Variants in LIMS2 observed in about 807,000 individuals in gnomAD.
The protein encoded by LIMS2 is LIM zinc finger domain containing 2.
In LIMS2, 30 loss-of-function variants were observed where a neutral mutation model predicts 45.3. That is an observed-to-expected ratio of 0.66 (90% CI 0.50 to 0.90). The LOEUF is 0.90. Ranked by LOEUF, LIMS2 falls within the 40% of genes least tolerant of loss-of-function variation. The pLI, the probability that LIMS2 is intolerant of heterozygous loss-of-function variation, is 0.00. For synonymous variants in LIMS2, 173 were observed against 188.0 expected (o/e 0.92, Z 0.65); for missense variants, 485 against 468.7 (o/e 1.03, Z -0.32).
At chr2:127,668,710 AACAC>A (rs1558901547) in intron 1 of LIMS2, among the ~76,000 whole-genome samples, 1 of 130,690 alleles carries the variant, frequency 7.7e-6, no homozygotes, top group African/African-American at 3.2e-5. Flanking sequence ...AAAAAAAAAA[AACAC>A]CTTACTTAAA....
At chr2:127,662,020 C>A (rs911641498) in intron 1 of LIMS2, among the ~76,000 whole-genome samples, 1 of 152,150 alleles carries the variant, frequency 6.6e-6, no homozygotes, top group African/African-American at 2.4e-5. Context: ...GAGTTGGGGG[C>A]CAGCCACAAG....
At chr2:127,643,495 C>G (rs1187694649) in intron 4 of LIMS2, 1 of 457,114 alleles carries the variant, frequency 2.2e-6, no homozygotes, top group Non-Finnish European at 4.4e-6. Context: ...GCCCACTCAC[C>G]CCCTTCCTTC....
chr2:127,674,063 C>A, intron 1 of LIMS2: 1 of 346,988 alleles, frequency 2.9e-6, no homozygotes, highest in Non-Finnish European at 5.6e-6. Context: ...CAGGCCACAG[C>A]CTTAATGGCG....
In LIMS2 at chr2:127,664,219, C is replaced by T. The variant is rs1459415692; in HGVS notation, c.12-6657G>A. 1.8e-6 allele frequency: 2 copies of T among 1,118,736 alleles called. No individual in the cohort carries two copies. The highest frequency in any genetic ancestry group is 2.2e-6 in the Non-Finnish European group (2 of 896,522). 69.3% of individuals were successfully genotyped at this position (1,118,736 alleles called of 1,614,324 possible). On this transcript the variant is annotated intron_variant, in intron 1 of 9. Coordinates refer to ENST00000355119, the MANE Select transcript of LIMS2 (RefSeq NM_001161403.3). This position sits in a 1 kb window ranked among gnomAD's most constrained non-coding sequence, Gnocchi z 5.5. ...CAGAGCCCACGGCGTCGGAGGGCCC[C>T]GGTCGGGTTTCCGAGGGAAGGCCTG...
chr2:127,668,692 A>C (rs1469067552), intron 1 of LIMS2, among the ~76,000 whole-genome samples: 109 of 134,340 alleles, frequency 8.1e-4, no homozygotes, highest in African/African-American at 2.7e-3. Context: ...AAAAAAAAAA[A>C]AAAAAAAAAA....
rs1684871943 is a variant in LIMS2 at position 127,664,307 on chromosome 2, C to G, written c.12-6745G>C. ...CCCGCCCCGCCCCTGGCCACCTACC[C>G]CGTGGCTGGCGGCGGGCTCTGCCGG... On this transcript the variant is annotated intron_variant, in intron 1 of 9. Coordinates refer to ENST00000355119, the MANE Select transcript of LIMS2 (RefSeq NM_001161403.3). The surrounding 1 kb of genome is among the most constrained non-coding windows in gnomAD (Gnocchi z 5.5). The G allele has an allele frequency of 8.1e-7, 1 of 1,235,350 alleles. No homozygotes were observed. Among genetic ancestry groups the G allele is most frequent in the Non-Finnish European group, 1.0e-6 (1 of 990,230 alleles). The allele number at this position is 1,235,350 out of a possible 1,614,324, so 76.5% of individuals were successfully genotyped here.
chr2:127,664,703 A>G lies in LIMS2; in HGVS notation c.12-7141T>C, dbSNP rs1296977115. 2.8e-6 allele frequency: 2 copies of G among 722,942 alleles called. No individual in the cohort carries two copies. Among genetic ancestry groups the G allele is most frequent in the East Asian group, 1.3e-4 (1 of 7,596 alleles). The allele number at this position is 722,942 out of a possible 1,614,324, so 44.8% of individuals were successfully genotyped here. Reference sequence around the variant, plus strand: ...CCCAGACAGCACTGAGGTGAGGTCCACAGTGGCGGCAGGACACCCAGGAGG... The same window carrying G: ...CCCAGACAGCACTGAGGTGAGGTCCGCAGTGGCGGCAGGACACCCAGGAGG... On this transcript the variant is annotated intron_variant, in intron 1 of 9. Coordinates refer to ENST00000355119, the MANE Select transcript of LIMS2 (RefSeq NM_001161403.3). The surrounding 1 kb of genome is among the most constrained non-coding windows in gnomAD (Gnocchi z 5.5).
At chr2:127,678,376 G>A (rs560715381), upstream of LIMS2, among the ~76,000 whole-genome samples, 1 of 152,196 alleles carries the variant, frequency 6.6e-6, no homozygotes, top group East Asian at 1.9e-4. This position sits in a 1 kb window ranked among gnomAD's most constrained non-coding sequence, Gnocchi z 5.3. Flanking sequence ...GGAGAATCTA[G>A]GTGGTGGGTA....
Position 127,653,088 on chromosome 2 carries a change from T to A in LIMS2, c.359+1336A>T, listed in dbSNP as rs1230311758. On this transcript the variant is annotated intron_variant, in intron 4 of 9. Coordinates refer to ENST00000355119, the MANE Select transcript of LIMS2 (RefSeq NM_001161403.3). This position sits in a 1 kb window ranked among gnomAD's most constrained non-coding sequence, Gnocchi z 5.3. Reference sequence around the variant, plus strand: ...CACCGTCTGCCCCTCAGCCCTTCATTTAGACAAGCTGCTCAATGCCAGGCA... The same window carrying A: ...CACCGTCTGCCCCTCAGCCCTTCATATAGACAAGCTGCTCAATGCCAGGCA... Among the ~76,000 whole-genome samples, 2 of 152,066 alleles carry A rather than the reference T, an allele frequency of 1.3e-5. No individual in the cohort carries two copies. The highest frequency in any genetic ancestry group is 4.8e-5 in the African/African-American group (2 of 41,394).
intron 1 of LIMS2, among the ~76,000 whole-genome samples, chr2:127,660,716 A>C (rs144253795): frequency 3.3e-4 from 51 of 152,346 alleles, no homozygotes; most frequent in African/African-American, 9.9e-4. Context: ...CAGCGAGACC[A>C]AGAACCCACC....
intron 1 of LIMS2, chr2:127,673,957 G>A (rs536000324): frequency 4.4e-4 from 243 of 555,290 alleles, no homozygotes; most frequent in African/African-American, 4.1e-3. Flanking sequence ...TGGGAAGAGA[G>A]GCTTGGGGAG....
upstream of LIMS2, among the ~76,000 whole-genome samples, chr2:127,675,632 GC>G (rs370055227): frequency 0.013 from 2,053 of 152,108 alleles, 22 homozygotes; most frequent in Middle Eastern, 0.085. Context: ...CCCGCCCGGC[GC>G]CCCCTCTGCA....
chr2:127,669,616 G>A (rs1685188225), intron 1 of LIMS2, among the ~76,000 whole-genome samples: 1 of 152,094 alleles, frequency 6.6e-6, no homozygotes, highest in Non-Finnish European at 1.5e-5. Flanking sequence ...TACTGGAGGG[G>A]CTGAGGCAGA....
chr2:127,670,608 G>A lies in LIMS2; in HGVS notation c.11+4406C>T, dbSNP rs1685229823. ...AAACCACTGAATTTTACAATCTAAA[G>A]TGGTGAATTTAATAATATGTGAACT... is the stretch of plus-strand genomic sequence containing the variant. On this transcript the variant is annotated intron_variant, in intron 1 of 9. Transcript: ENST00000355119. Among the ~76,000 whole-genome samples the A allele has an allele frequency of 2.6e-5, 4 of 152,364 alleles. No homozygotes were observed. The South Asian group carries it at 8.3e-4, about 32-fold the overall frequency.
At chr2:127,663,807 G>A (rs947081200) in intron 1 of LIMS2, among the ~76,000 whole-genome samples, 4 of 152,110 alleles carry the variant, frequency 2.6e-5, no homozygotes, top group Non-Finnish European at 5.9e-5. Context: ...CCAAGAGTGA[G>A]GGGAGGTGGC....
In LIMS2 at chr2:127,639,414, T is replaced by C. The variant is rs768688318; in HGVS notation, c.893A>G (p.Glu298Gly). ...SKLTLKNKFV[E>G]FDMKPVCKRC... is the part of the protein sequence containing the mutation. Reference sequence around the variant, plus strand: ...CTTACACACGGGCTTCATGTCGAACTCCACAAACTTGTTCCTGAGGAGGAA... The same window carrying C: ...CTTACACACGGGCTTCATGTCGAACCCCACAAACTTGTTCCTGAGGAGGAA... Residue 298 changes from glutamate to glycine, a missense_variant, in exon 10 of 10, where the codon GAG (glutamate) becomes GGG (glycine). Coordinates refer to ENST00000355119, the MANE Select transcript of LIMS2 (RefSeq NM_001161403.3). The C allele has an allele frequency of 6.2e-7, 1 of 1,613,758 alleles. No individual in the cohort carries two copies. The highest frequency in any genetic ancestry group is 1.1e-5 in the South Asian group (1 of 91,072).
In LIMS2 at chr2:127,668,668, CAAA is replaced by C. The variant is rs70985469; in HGVS notation, c.11+6343_11+6345del. On this transcript the variant is annotated intron_variant, in intron 1 of 9. Coordinates refer to ENST00000355119, the MANE Select transcript of LIMS2 (RefSeq NM_001161403.3). ...TGGGTGACAGAGTGAGACTCCGTCT[CAAA>C]AAAAAAAAAAAAAAAAAAAAAAAAA... 2.5e-3 allele frequency among the ~76,000 whole-genome samples: 44 copies of C among 17,260 alleles called. 2 individuals carry two copies. Among genetic ancestry groups the C allele is most frequent in the Non-Finnish European group, 2.7e-3 (24 of 9,048 alleles). The allele number at this position is 17,260 out of a possible 152,430, so 11.3% of individuals were successfully genotyped here.
Position 127,675,138 on chromosome 2 carries a change from C to T in LIMS2, c.-114G>A. On this transcript the variant is annotated 5_prime_UTR_variant, in exon 1 of 10. Transcript: ENST00000355119. Reference sequence around the variant, plus strand: ...GCCCGGGCCGCGGAGCAGGGAGACGCCCAAAAAAGGCCAAGAGCCGCTCCG... The same window carrying T: ...GCCCGGGCCGCGGAGCAGGGAGACGTCCAAAAAAGGCCAAGAGCCGCTCCG... 2.8e-6 allele frequency: 3 copies of T among 1,076,682 alleles called. No homozygotes were observed. The highest frequency in any genetic ancestry group is 3.5e-6 in the Non-Finnish European group (3 of 847,724). The allele number at this position is 1,076,682 out of a possible 1,614,324, so 66.7% of individuals were successfully genotyped here.
At chr2:127,644,634 C>T (rs113029461) in intron 4 of LIMS2, among the ~76,000 whole-genome samples, 2 of 152,232 alleles carry the variant, frequency 1.3e-5, no homozygotes, top group Non-Finnish European at 2.9e-5. Flanking sequence ...ACTCAACCCA[C>T]GAGGAATTAT....
Sources: gnomAD v4.1 joint callset for allele counts (sites outside exome capture counted in the v4.1 genomes callset) on GRCh38, gnomAD v4.1.1 for gene constraint, Gnocchi (gnomAD v3.1) non-coding constraint, MANE v1.5 for transcripts, NCBI Gene and HGNC (gene_info 2026-07-23, HGNC 2026-07-21) for gene names.